Variants in UBE2D3 observed in about 807,000 individuals in gnomAD.
UBE2D3 encodes the protein ubiquitin conjugating enzyme E2 D3.
A neutral mutation model predicts 22.8 loss-of-function variants in UBE2D3; 2 were observed. The observed-to-expected ratio is 0.09, with a 90% CI of 0.04 to 0.28. The LOEUF (loss-of-function observed/expected upper bound fraction) is 0.28, where lower values mean the gene tolerates loss of function less well. Among genes scored for constraint, UBE2D3 ranks in the 10% least tolerant of loss-of-function variants. The probability of loss-of-function intolerance (pLI) is 1.00; values close to 1 mark genes in which losing one functional copy is unlikely to be tolerated. For synonymous variants in UBE2D3, 56 were observed against 60.4 expected, an observed-to-expected ratio of 0.93 and a Z score of 0.34; for missense variants, 27 against 182.5, an observed-to-expected ratio of 0.15 and a Z score of 4.91.
Position 102,794,625 on chromosome 4 carries a change from C to T in UBE2D3, c.*2790G>A. The T allele has an allele frequency of 6.7e-6, 1 of 150,170 alleles. No individual in the cohort carries two copies. Among genetic ancestry groups the T allele is most frequent in the Non-Finnish European group, 1.5e-5 (1 of 67,752 alleles). The allele number at this position is 150,170 out of a possible 1,614,324, so 9.3% of individuals were successfully genotyped here. ...ATTACTAACACAGCATGATCAGTAC[C>T]TTAAGTATACTTCAACTAAGCCATT... On this transcript the variant is annotated 3_prime_UTR_variant, in exon 8 of 8. Coordinates refer to ENST00000453744, the MANE Select transcript of UBE2D3 (RefSeq NM_181891.3).
At chr4:102,824,604 T>C (rs1441915877) in intron 2 of UBE2D3, among the ~76,000 whole-genome samples, 1 of 152,362 alleles carries the variant, frequency 6.6e-6, no homozygotes, top group South Asian at 2.1e-4. Flanking sequence ...TCTTAACCAC[T>C]GTTATATTGT....
chr4:102,868,822 G>C, exon 1 of UBE2D3: 1 of 1,598,788 alleles, frequency 6.3e-7, no homozygotes, highest in Non-Finnish European at 8.6e-7. Context: ...GGCCCAAGAG[G>C]AGGGCCACCT....
upstream of UBE2D3, chr4:102,827,641 G>A (rs879063404): frequency 5.1e-5 from 50 of 986,306 alleles, no homozygotes; most frequent in South Asian, 6.1e-4. Flanking sequence ...CCGAGCACAA[G>A]ACCGATGTGA....
intron 1 of UBE2D3, among the ~76,000 whole-genome samples, chr4:102,853,780 TATC>T (rs1732498525): frequency 2.0e-5 from 3 of 152,278 alleles, no homozygotes; most frequent in South Asian, 4.1e-4. Context: ...CTGAATGAAC[TATC>T]TATTCAAAAA....
At chr4:102,799,201 A>G (rs1224376667) in intron 7 of UBE2D3, among the ~76,000 whole-genome samples, 1 of 151,936 alleles carries the variant, frequency 6.6e-6, no homozygotes, top group Non-Finnish European at 1.5e-5. Context: ...AAAAAACAAC[A>G]ATAAAACATT....
Position 102,826,633 on chromosome 4 carries a change from G to C in UBE2D3, c.-125C>G. ...CTCACACCAGCTCTGCCAGACACAG[G>C]CGCCTTTTGCAAAAACGGAGCAGAT... On this transcript the variant is annotated 5_prime_UTR_variant, in exon 2 of 8. Coordinates refer to ENST00000453744, the MANE Select transcript of UBE2D3 (RefSeq NM_181891.3). 1 of 1,574,858 alleles carries C rather than the reference G, an allele frequency of 6.3e-7. No individual in the cohort carries two copies. The highest frequency in any genetic ancestry group is 8.6e-7 in the Non-Finnish European group (1 of 1,169,206).
At chr4:102,827,060 AAAGG>A (rs1273662772) in intron 1 of UBE2D3, 6 of 990,152 alleles carry the variant, frequency 6.1e-6, no homozygotes, top group Non-Finnish European at 7.2e-6. Context: ...GCGGCCGGGA[AAAGG>A]AAGGAAATAA....
At chr4:102,830,962 TTATAA>T (rs1243069736), upstream of UBE2D3, among the ~76,000 whole-genome samples, 2 of 152,248 alleles carry the variant, frequency 1.3e-5, no homozygotes, top group African/African-American at 2.4e-5. Flanking sequence ...GGCCACGTTA[TTATAA>T]TAACTTGAGA....
intron 1 of UBE2D3, among the ~76,000 whole-genome samples, chr4:102,850,710 TATAA>T (rs1271769943): frequency 6.6e-6 from 1 of 152,168 alleles, no homozygotes; most frequent in Non-Finnish European, 1.5e-5. Context: ...ATATATTAAA[TATAA>T]ATATATAGCT....
chr4:102,829,555 A>T (rs1046523096), upstream of UBE2D3, among the ~76,000 whole-genome samples: 3 of 152,210 alleles, frequency 2.0e-5, no homozygotes, highest in African/African-American at 7.2e-5. Context: ...AAAGTGTCAT[A>T]ATATATGTGA....
chr4:102,823,588 A>G (rs1376730155), intron 2 of UBE2D3, among the ~76,000 whole-genome samples: 1 of 152,246 alleles, frequency 6.6e-6, no homozygotes, highest in Non-Finnish European at 1.5e-5. Context: ...CGTCCCTAAA[A>G]CACATATATT....
chr4:102,805,902 C>G (rs575926008), intron 4 of UBE2D3, among the ~76,000 whole-genome samples: 1 of 152,226 alleles, frequency 6.6e-6, no homozygotes, highest in South Asian at 2.1e-4. Context: ...ACCAGGATCT[C>G]ATCATCAACT....
upstream of UBE2D3, among the ~76,000 whole-genome samples, chr4:102,830,850 C>G (rs894300158): frequency 2.0e-5 from 3 of 152,180 alleles, no homozygotes; most frequent in African/African-American, 7.2e-5. Flanking sequence ...TGTGATGGAG[C>G]AAGACCCTGT....
rs1420957599 is a variant in UBE2D3, at chr4:102,826,532, C to T, written c.-24G>A. Reference sequence around the variant, plus strand: ...ATAGTGTGTGCTTGTCGTCTGGCTCCTCACTCTCTCGGTGTATGCTCAAAG... The same window carrying T: ...ATAGTGTGTGCTTGTCGTCTGGCTCTTCACTCTCTCGGTGTATGCTCAAAG... On this transcript the variant is annotated 5_prime_UTR_variant, in exon 2 of 8. Transcript: ENST00000453744. 3.7e-6 allele frequency: 6 copies of T among 1,612,934 alleles called. No individual in the cohort carries two copies. Among genetic ancestry groups the T allele is most frequent in the South Asian group, 1.1e-5 (1 of 91,058 alleles).
intron 1 of UBE2D3, among the ~76,000 whole-genome samples, chr4:102,835,389 C>G (rs759498361): frequency 6.6e-6 from 1 of 152,036 alleles, no homozygotes; most frequent in Non-Finnish European, 1.5e-5. Context: ...TTTAAGCATC[C>G]TTGGATTTTG....
At chr4:102,865,551 A>G (rs1349268006) in intron 1 of UBE2D3, among the ~76,000 whole-genome samples, 2 of 152,070 alleles carry the variant, frequency 1.3e-5, no homozygotes, top group Non-Finnish European at 1.5e-5. Context: ...AAAGATAAGC[A>G]ACCAATGTAA....
chr4:102,808,710 G>C (rs1727464829), intron 4 of UBE2D3, among the ~76,000 whole-genome samples: 1 of 152,066 alleles, frequency 6.6e-6, no homozygotes, highest in Admixed American at 6.6e-5. Context: ...TTCCCTATAA[G>C]ATCGACAGGG....
chr4:102,826,755 A>G (rs1268050695), intron 1 of UBE2D3, 119 bp from the exon 2 acceptor site: 1 of 1,415,900 alleles, frequency 7.1e-7, no homozygotes, highest in East Asian at 2.7e-5. Flanking sequence ...AAAGCCACCA[A>G]CAGCCTCTGT....
Position 102,835,802 on chromosome 4 carries a change from C to T in UBE2D3, c.-128-9166G>A, listed in dbSNP as rs902934201. Among the ~76,000 whole-genome samples the T allele has an allele frequency of 1.7e-4, 26 of 152,110 alleles. 1 individual carries two copies. The highest frequency in any genetic ancestry group is 6.5e-5 in the Admixed American group (1 of 15,272). On this transcript the variant is annotated intron_variant, in intron 1 of 7. Transcript: ENST00000338145. ...CATATATATATACCCATGAAGCTCA[C>T]CAAAATCAAGATAATGAACTTCACC... is the stretch of plus-strand genomic sequence containing the variant.
Sources: gnomAD v4.1 joint callset for allele counts (sites outside exome capture counted in the v4.1 genomes callset) on GRCh38, gnomAD v4.1.1 for gene constraint, MANE v1.5 for transcripts, NCBI Gene and HGNC (gene_info 2026-07-23, HGNC 2026-07-21) for gene names.